Variants in ANK3 observed in about 807,000 individuals in gnomAD.
ANK3 encodes ankyrin-3.
A neutral mutation model predicts 370.9 loss-of-function variants in ANK3; 57 were observed. That is an observed-to-expected ratio of 0.15 (90% CI 0.12 to 0.19). The LOEUF (loss-of-function observed/expected upper bound fraction) is 0.19. Ranked by LOEUF, ANK3 falls within the 10% of genes least tolerant of loss-of-function variation. ANK3 has a pLI of 1.00. For synonymous variants in ANK3, 1,929 were observed against 1,946.3 expected (o/e 0.99, Z 0.23); for missense variants, 4,439 against 5,302.1 (o/e 0.84, Z 5.06).
At chr10:60,050,132 ACCCCAAC>A (rs1212657942) in intron 42 of ANK3, among the ~76,000 whole-genome samples, 1 of 152,072 alleles carries the variant, frequency 6.6e-6, no homozygotes, top group Non-Finnish European at 1.5e-5. Context: ...GCATTCCCCC[ACCCCAAC>A]CCAGAGAACA....
intron 7 of ANK3, among the ~76,000 whole-genome samples, chr10:60,246,255 C>CAAAAAAAAAAAAAA (rs869144298): frequency 4.1e-4 from 38 of 92,688 alleles, no homozygotes; most frequent in African/African-American, 6.6e-4. Context: ...AACCCTGTAT[C>CAAAAAAAAAAAAAA]AAAAAAAAAA....
chr10:60,206,039 TAGA>T, intron 10 of ANK3, 149 bp from the exon 11 acceptor site: 3 of 619,784 alleles, frequency 4.8e-6, no homozygotes, highest in Non-Finnish European at 8.6e-6. Context: ...GATTCTATTC[TAGA>T]AGTAGTCCAG....
intron 2 of ANK3, among the ~76,000 whole-genome samples, chr10:60,564,192 C>A (rs144651608): frequency 0.021 from 3,263 of 152,080 alleles, 46 homozygotes; most frequent in Non-Finnish European, 0.032. Context: ...ATTAACAGCC[C>A]AGCAGAAAAC....
chr10:60,237,840 A>AT (rs1371419054), intron 7 of ANK3, among the ~76,000 whole-genome samples: 2 of 152,188 alleles, frequency 1.3e-5, no homozygotes, highest in East Asian at 3.8e-4. Context: ...CCTCACAGCA[A>AT]TCCACTGAAA....
At chr10:60,642,940 C>T (rs1049030606) in intron 1 of ANK3, among the ~76,000 whole-genome samples, 3 of 152,014 alleles carry the variant, frequency 2.0e-5, no homozygotes, top group African/African-American at 7.2e-5. Context: ...ATAATTAAAA[C>T]ATACACACAC....
At chr10:60,196,297 G>T in intron 15 of ANK3, 54 bp from the exon 16 acceptor site, 1 of 1,488,404 alleles carries the variant, frequency 6.7e-7, no homozygotes, top group Non-Finnish European at 9.3e-7. Flanking sequence ...TAAAACCAGA[G>T]GCTTAGATTG....
chr10:60,327,003 G>A (rs1417471016), intron 1 of ANK3, among the ~76,000 whole-genome samples: 2 of 134,776 alleles, frequency 1.5e-5, no homozygotes, highest in Non-Finnish European at 3.0e-5. Flanking sequence ...CTGGGCGACC[G>A]AGACTCCGTC....
chr10:60,727,445 A>G (rs2132031823), intron 1 of ANK3, among the ~76,000 whole-genome samples: 1 of 152,312 alleles, frequency 6.6e-6, no homozygotes, highest in African/African-American at 2.4e-5. Flanking sequence ...ACTGGAAAAG[A>G]ACTCAAGTAA....
chr10:60,236,141 C>T (rs1438005595), intron 7 of ANK3, among the ~76,000 whole-genome samples: 3 of 152,054 alleles, frequency 2.0e-5, no homozygotes, highest in African/African-American at 2.4e-5. Context: ...TTCTTTTATG[C>T]TCCCTACTGT....
chr10:60,601,594 A>T (rs2078065421), intron 2 of ANK3, among the ~76,000 whole-genome samples: 1 of 152,134 alleles, frequency 6.6e-6, no homozygotes, highest in African/African-American at 2.4e-5. Flanking sequence ...CTGAGAAACT[A>T]GCAGACATTA....
chr10:60,677,926 T>G (rs1301238864), intron 1 of ANK3, among the ~76,000 whole-genome samples: 1 of 152,174 alleles, frequency 6.6e-6, no homozygotes, highest in African/African-American at 2.4e-5. Context: ...GAAGTCCAAA[T>G]TCCATCCCAG....
chr10:60,236,263 C>A (rs2097332127), intron 7 of ANK3, among the ~76,000 whole-genome samples: 2 of 151,958 alleles, frequency 1.3e-5, no homozygotes, highest in African/African-American at 2.4e-5. Flanking sequence ...GAGGACATCT[C>A]AAAAAATCAC....
chr10:60,244,022 T>C (rs180706756), intron 7 of ANK3, among the ~76,000 whole-genome samples: 45 of 152,314 alleles, frequency 3.0e-4, no homozygotes, highest in Admixed American at 2.7e-3. Flanking sequence ...TAGAAATATA[T>C]GGGTACTATT....
At chr10:60,060,758 TG>T (rs1449943408) in intron 40 of ANK3, 8 of 152,100 alleles carry the variant, frequency 5.3e-5, no homozygotes. Flanking sequence ...GTGAAGTCAG[TG>T]GTAGGGTCCA....
chr10:60,594,379 C>T (rs1308428635), intron 2 of ANK3, among the ~76,000 whole-genome samples: 1 of 152,138 alleles, frequency 6.6e-6, no homozygotes, highest in Non-Finnish European at 1.5e-5. Flanking sequence ...GCTACTTGGT[C>T]CTTCTGGGGC....
At chr10:60,701,652 A>G (rs1311431124) in intron 1 of ANK3, among the ~76,000 whole-genome samples, 1 of 152,196 alleles carries the variant, frequency 6.6e-6, no homozygotes, top group African/African-American at 2.4e-5. Context: ...ATAGCATGCT[A>G]CATTTATCTA....
chr10:60,260,537 T>A (rs961021059), intron 7 of ANK3, among the ~76,000 whole-genome samples: 1 of 152,106 alleles, frequency 6.6e-6, no homozygotes, highest in African/African-American at 2.4e-5. Flanking sequence ...ATTGTGTAGA[T>A]GTATGTCCCC....
chr10:60,608,926 C>T (rs2078165087), intron 2 of ANK3, among the ~76,000 whole-genome samples: 1 of 152,112 alleles, frequency 6.6e-6, no homozygotes. Flanking sequence ...GCTCCATCAC[C>T]AAGTTCTTGT....
At chr10:60,106,887 T>C (rs2092246211) in intron 27 of ANK3, among the ~76,000 whole-genome samples, 1 of 152,120 alleles carries the variant, frequency 6.6e-6, no homozygotes, top group Non-Finnish European at 1.5e-5. Flanking sequence ...GTTTATGTAG[T>C]TGGATTGTGC....
Sources: allele counts gnomAD v4.1 joint callset (sites outside exome capture counted in the v4.1 genomes callset), GRCh38; gene constraint gnomAD v4.1.1; transcripts MANE v1.5; gene names NCBI Gene and HGNC (gene_info 2026-07-23, HGNC 2026-07-21).